Variants in CDC5L observed in about 807,000 individuals in gnomAD.
CDC5L encodes the protein cell division cycle 5 like, also known as cell division cycle 5-like protein.
A neutral mutation model predicts 104.1 loss-of-function variants in CDC5L; 18 were observed. That is an observed-to-expected ratio of 0.17 (90% CI 0.12 to 0.26). The LOEUF (loss-of-function observed/expected upper bound fraction) is 0.26. Among genes scored for constraint, CDC5L ranks in the 10% least tolerant of loss-of-function variants. The probability of loss-of-function intolerance (pLI) is 1.00; values close to 1 mark genes in which losing one functional copy is unlikely to be tolerated. For synonymous variants in CDC5L, 331 were observed against 322.7 expected (o/e 1.03, Z -0.28); for missense variants, 673 against 956.9 (o/e 0.70, Z 3.91).
rs964181406 is a variant in CDC5L, at chr6:44,449,035, G to T, written c.*2324G>T. ...ATCTTTGCACTCCTGGAATCAGGTA[G>T]ATTAATTTTTAAAAGAAATTTTAAA... On this transcript the variant is annotated 3_prime_UTR_variant, in exon 16 of 16. Coordinates refer to ENST00000371477, the MANE Select transcript of CDC5L (RefSeq NM_001253.4). The T allele has an allele frequency of 1.3e-5, 2 of 152,148 alleles. No individual in the cohort carries two copies. The highest frequency in any genetic ancestry group is 2.9e-5 in the Non-Finnish European group (2 of 68,026). 9.4% of individuals were successfully genotyped at this position (152,148 alleles called of 1,614,324 possible).
In CDC5L at chr6:44,449,501, A is replaced by G. The variant is rs1047563689; in HGVS notation, c.*2790A>G. 1.3e-5 allele frequency: 2 copies of G among 152,230 alleles called. No individual in the cohort carries two copies. Among genetic ancestry groups the G allele is most frequent in the Non-Finnish European group, 2.9e-5 (2 of 68,050 alleles). 9.4% of individuals were successfully genotyped at this position (152,230 alleles called of 1,614,324 possible). A position where few individuals can be genotyped will look rare whatever the true frequency, so the allele number is the denominator to read the frequency against. ...GAGACCCTGTCTCTATTAAAAAATA[A>G]TAATAAAAATAACATTCACATTGGT... is the stretch of plus-strand genomic sequence containing the variant. On this transcript the variant is annotated 3_prime_UTR_variant, in exon 16 of 16. Coordinates refer to ENST00000371477, the MANE Select transcript of CDC5L (RefSeq NM_001253.4).
chr6:44,408,018 G>A (rs536859044), intron 7 of CDC5L, among the ~76,000 whole-genome samples: 16 of 152,124 alleles, frequency 1.1e-4, no homozygotes, highest in Non-Finnish European at 1.9e-4. Context: ...TTCTTGGTAC[G>A]TTAATATGTT....
intron 4 of CDC5L, among the ~76,000 whole-genome samples, chr6:44,395,382 C>T (rs1184526679): frequency 6.6e-6 from 1 of 152,158 alleles, no homozygotes; most frequent in Non-Finnish European, 1.5e-5. Context: ...TATGATGTAT[C>T]AGTTAACAGA....
At chr6:44,411,637 A>AGAGAGAGTGAGTGTGTGTGTGTGT in intron 8 of CDC5L, among the ~76,000 whole-genome samples, 1 of 123,646 alleles carries the variant, frequency 8.1e-6, no homozygotes, top group African/African-American at 3.0e-5. Flanking sequence ...AGAGAGAGAG[A>AGAGAGAGTGAGTGTGTGTGTGTGT]GTGTGTGTGT....
intron 1 of CDC5L, among the ~76,000 whole-genome samples, chr6:44,388,536 A>G (rs1790453033): frequency 6.6e-6 from 1 of 151,644 alleles, no homozygotes. Context: ...TTGGTGAGCC[A>G]AAGGGCAGTA....
intron 14 of CDC5L, among the ~76,000 whole-genome samples, chr6:44,438,284 T>C (rs913517107): frequency 6.6e-6 from 1 of 152,238 alleles, no homozygotes; most frequent in African/African-American, 2.4e-5. Context: ...AACTTGAATG[T>C]AACTTGATGG....
intron 8 of CDC5L, among the ~76,000 whole-genome samples, chr6:44,411,315 T>G (rs2153378670): frequency 6.6e-6 from 1 of 152,092 alleles, no homozygotes; most frequent in East Asian, 1.9e-4. Flanking sequence ...GATGTCAGTG[T>G]TAGTTCTTTT....
chr6:44,412,734 T>C (rs1791704210), intron 8 of CDC5L, among the ~76,000 whole-genome samples: 1 of 151,922 alleles, frequency 6.6e-6, no homozygotes, highest in African/African-American at 2.4e-5. Flanking sequence ...TTTTACTGTA[T>C]TTACCGAGTT....
Position 44,390,257 on chromosome 6 carries a change from A to T in CDC5L, c.46-11A>T, listed in dbSNP as rs776565612. 5.7e-6 allele frequency: 9 copies of T among 1,591,944 alleles called. No individual in the cohort carries two copies. The highest frequency in any genetic ancestry group is 6.9e-6 in the Non-Finnish European group (8 of 1,161,422). ...TTGTGACTGAATGTACTCTTTGGCA[A>T]TTTTTTTTAGGATGAAATTCTGAAA... On this transcript the variant is annotated splice_polypyrimidine_tract_variant and intron_variant, in intron 1 of 15. Coordinates refer to ENST00000371477, the MANE Select transcript of CDC5L (RefSeq NM_001253.4).
chr6:44,401,362 A>G (rs979071336), intron 5 of CDC5L, among the ~76,000 whole-genome samples: 3 of 152,152 alleles, frequency 2.0e-5, no homozygotes, highest in Admixed American at 2.0e-4. Context: ...GGCAAAGGCT[A>G]TCAGGGCTCC....
At chr6:44,393,360 A>C (rs1790707037) in intron 3 of CDC5L, 86 bp from the exon 4 acceptor site, 1 of 1,282,236 alleles carries the variant, frequency 7.8e-7, no homozygotes. Context: ...TTTTGGGGGG[A>C]AAAATATCGT....
At chr6:44,442,602 T>C (rs1307056947) in intron 14 of CDC5L, among the ~76,000 whole-genome samples, 6 of 152,180 alleles carry the variant, frequency 3.9e-5, no homozygotes, top group African/African-American at 1.4e-4. Flanking sequence ...TTCTCCCATA[T>C]TTTGTATTTC....
chr6:44,444,137 G>T (rs978451917), intron 14 of CDC5L, among the ~76,000 whole-genome samples: 1 of 152,164 alleles, frequency 6.6e-6, no homozygotes, highest in African/African-American at 2.4e-5. Flanking sequence ...GAGGTGTTGG[G>T]TATGTGTCCT....
At chr6:44,396,828 T>G (rs1376052690) in intron 5 of CDC5L, among the ~76,000 whole-genome samples, 2 of 152,158 alleles carry the variant, frequency 1.3e-5, no homozygotes, top group Non-Finnish European at 2.9e-5. Context: ...AAGGATATTT[T>G]AAAGGATACA....
intron 8 of CDC5L, among the ~76,000 whole-genome samples, chr6:44,414,382 CTGTGTG>C (rs58800666): frequency 0.54 from 70,325 of 129,762 alleles, 20,481 homozygotes; most frequent in Non-Finnish European, 0.68. Flanking sequence ...CTGGCCTGGC[CTGTGTG>C]TGTGTGTGTG....
chr6:44,434,393 C>T (rs1407239701), intron 14 of CDC5L, among the ~76,000 whole-genome samples: 4 of 149,754 alleles, frequency 2.7e-5, no homozygotes, highest in Admixed American at 1.3e-4. Context: ...CTTGGACCTG[C>T]GTCTCATCAG....
At chr6:44,391,635 C>T (rs1035838809) in intron 2 of CDC5L, among the ~76,000 whole-genome samples, 1 of 152,154 alleles carries the variant, frequency 6.6e-6, no homozygotes, top group African/African-American at 2.4e-5. Flanking sequence ...ATCCCCAAGT[C>T]ATGTGGCATT....
intron 14 of CDC5L, among the ~76,000 whole-genome samples, chr6:44,443,386 C>T (rs986757438): frequency 4.0e-5 from 6 of 151,704 alleles, no homozygotes; most frequent in African/African-American, 1.5e-4. Flanking sequence ...TCTAGCTTTC[C>T]ATTTCCTTCC....
In CDC5L at chr6:44,392,773, G is replaced by T. The variant is rs1790678201; in HGVS notation, c.256G>T (p.Ala86Ser). 1.9e-6 allele frequency: 3 copies of T among 1,614,142 alleles called. No homozygotes were observed. Among genetic ancestry groups the T allele is most frequent in the Non-Finnish European group, 2.5e-6 (3 of 1,179,988 alleles). Residue 86 changes from alanine to serine, a missense_variant, in exon 3 of 16, where the codon GCT (alanine) becomes TCT (serine). Physicochemically the swap from Ala to Ser is moderately conservative, Grantham distance 99. Around this residue, in one of 4 missense-constraint regions of CDC5L, gnomAD observed 74 missense variants for 123.5 expected, o/e 0.60. Transcript: ENST00000371477. ...GATGCCAACTCAGTGGAGGACCATT[G>T]CTCCAATCATTGGAAGAACAGCGGC... The part of the protein sequence containing the change: ...KLMPTQWRTI[A>S]PIIGRTAAQC...
Sources: allele counts gnomAD v4.1 joint callset (sites outside exome capture counted in the v4.1 genomes callset), GRCh38; gene constraint gnomAD v4.1.1; regional missense constraint gnomAD v4.1.1; transcripts MANE v1.5; gene names NCBI Gene and HGNC (gene_info 2026-07-23, HGNC 2026-07-21).